Variants in SPATA31G1 observed in about 807,000 individuals in gnomAD.
SPATA31G1 encodes the protein spermatogenesis-associated protein 31G1.
At chr9:35,042,996 A>T in the SPATA31G1 span, 1 of 1,614,000 alleles carries the variant, frequency 6.2e-7, no homozygotes, top group Non-Finnish European at 8.5e-7. Context: ...ATGTTCTCCT[A>T]CCAAAGAAGC....
the SPATA31G1 span, chr9:35,042,189 G>C: frequency 4.5e-6 from 7 of 1,562,752 alleles, no homozygotes; most frequent in Non-Finnish European, 4.3e-6. Flanking sequence ...CTCTGTGGGG[G>C]ATGGGAGTTC....
the SPATA31G1 span, chr9:35,044,823 C>T: frequency 1.2e-6 from 2 of 1,614,004 alleles, no homozygotes; most frequent in African/African-American, 2.7e-5. Context: ...AGTACCCCAG[C>T]CTCCCACCCT....
the SPATA31G1 span, chr9:35,044,801 TCCCCTACA>T: frequency 6.2e-7 from 1 of 1,614,038 alleles, no homozygotes; most frequent in Non-Finnish European, 8.5e-7. Flanking sequence ...TGGCAGTGGA[TCCCCTACA>T]CCCAGTACCC....
the SPATA31G1 span, chr9:35,044,700 C>T: frequency 6.2e-7 from 1 of 1,614,212 alleles, no homozygotes; most frequent in African/African-American, 1.3e-5. Context: ...CCCCAGCTCA[C>T]TCTCTACTCC....
chr9:35,042,803 C>A, the SPATA31G1 span: 1 of 1,568,084 alleles, frequency 6.4e-7, no homozygotes, highest in Non-Finnish European at 8.6e-7. Context: ...TGCCTCATAG[C>A]AAACCTTGTG....
chr9:35,044,463 C>A, the SPATA31G1 span: 1 of 1,614,160 alleles, frequency 6.2e-7, no homozygotes, highest in South Asian at 1.1e-5. Flanking sequence ...CCAAGACCTG[C>A]ATGGAGCCAG....
chr9:35,042,645 G>A, the SPATA31G1 span: 8 of 1,240,496 alleles, frequency 6.4e-6, no homozygotes, highest in South Asian at 1.0e-4. Context: ...AGTGACCATG[G>A]ATTCTAGATG....
At chr9:35,045,279 T>G in the SPATA31G1 span, 7 of 1,613,860 alleles carry the variant, frequency 4.3e-6, no homozygotes, top group Admixed American at 1.2e-4. Context: ...GGAACAAGGG[T>G]CTCAGAGAGG....
At chr9:35,043,686 C>T in the SPATA31G1 span, 67 of 1,614,218 alleles carry the variant, frequency 4.2e-5, no homozygotes, top group African/African-American at 5.6e-4. Flanking sequence ...TCTGTCAGAA[C>T]CCAGAAAAGT....
chr9:35,043,251 G>C, the SPATA31G1 span: 1 of 1,614,190 alleles, frequency 6.2e-7, no homozygotes, highest in Non-Finnish European at 8.5e-7. Context: ...CGAGTCCTTG[G>C]AGGCCATCTT....
At chr9:35,045,143 A>T in the SPATA31G1 span, 1 of 1,613,344 alleles carries the variant, frequency 6.2e-7, no homozygotes, top group Non-Finnish European at 8.5e-7. Flanking sequence ...CCCCCAATCC[A>T]TGCCCCCACT....
the SPATA31G1 span, chr9:35,045,684 C>T: frequency 6.2e-7 from 1 of 1,614,150 alleles, no homozygotes; most frequent in Non-Finnish European, 8.5e-7. Context: ...CCAGGATCAG[C>T]CAGAGGCAGG....
the SPATA31G1 span, chr9:35,042,186 G>A: frequency 4.5e-6 from 7 of 1,556,812 alleles, no homozygotes; most frequent in East Asian, 2.3e-5. Flanking sequence ...GGCCTCTGTG[G>A]GGGATGGGAG....
At chr9:35,044,819 C>A in the SPATA31G1 span, 1 of 1,614,146 alleles carries the variant, frequency 6.2e-7, no homozygotes, top group Non-Finnish European at 8.5e-7. Flanking sequence ...ACCCAGTACC[C>A]CAGCCTCCCA....
chr9:35,042,473 G>T, the SPATA31G1 span: 2 of 1,614,184 alleles, frequency 1.2e-6, no homozygotes, highest in South Asian at 1.1e-5. Flanking sequence ...CTGGGAATAT[G>T]GTGCAAGGCA....
At chr9:35,042,063 C>G in the SPATA31G1 span, 1 of 800,162 alleles carries the variant, frequency 1.2e-6, no homozygotes, top group Non-Finnish European at 1.9e-6. Flanking sequence ...AAGCATAATT[C>G]TGAACTGGGC....
chr9:35,042,736 G>C, the SPATA31G1 span: 7 of 1,324,568 alleles, frequency 5.3e-6, no homozygotes, highest in Admixed American at 2.1e-5. Flanking sequence ...TAGGTGACTG[G>C]CCACACACGT....
At chr9:35,044,529 G>A in the SPATA31G1 span, 3 of 1,614,184 alleles carry the variant, frequency 1.9e-6, no homozygotes, top group Non-Finnish European at 2.5e-6. Context: ...GGAGCAAAAA[G>A]AAAACTGTGT....
the SPATA31G1 span, chr9:35,044,372 G>C: frequency 6.2e-7 from 1 of 1,614,058 alleles, no homozygotes. Flanking sequence ...TGGGGGTCCT[G>C]TCTGATTCTG....
Sources: gnomAD v4.1 joint callset for allele counts on GRCh38, gnomAD v4.1.1 for gene constraint, MANE v1.5 for transcripts, NCBI Gene and HGNC (gene_info 2026-07-23, HGNC 2026-07-21) for gene names.